STAT2: variants seen among roughly 807,000 people sequenced by gnomAD.
STAT2 encodes interferon alpha induced transcriptional activator.
In STAT2, 51 loss-of-function variants were observed where a neutral mutation model predicts 122.3. The observed-to-expected ratio is 0.42, with a 90% confidence interval of 0.33 to 0.53. The LOEUF (loss-of-function observed/expected upper bound fraction) is 0.53, where lower values mean the gene tolerates loss of function less well. Ranked by LOEUF, STAT2 falls within the 20% of genes least tolerant of loss-of-function variation. The pLI, the probability that STAT2 is intolerant of heterozygous loss-of-function variation, is 0.10. For missense variants in STAT2, 736 were observed against 1,010.3 expected, an observed-to-expected ratio of 0.73 and a Z score of 3.68; for synonymous variants, 351 against 394.9, an observed-to-expected ratio of 0.89 and a Z score of 1.32.
chr12:56,357,026 A>AT (rs34402362), intron 1 of STAT2, among the ~76,000 whole-genome samples: 1,528 of 66,378 alleles, frequency 0.023, 75 homozygotes, highest in Non-Finnish European at 0.035. Flanking sequence ...CCTAATCTGT[A>AT]TTTTTTTTTT....
intron 11 of STAT2, 140 bp from the exon 12 acceptor site, chr12:56,350,572 G>A (rs1878309052): frequency 1.2e-6 from 1 of 805,758 alleles, no homozygotes; most frequent in Non-Finnish European, 1.9e-6. Flanking sequence ...GATGTAATCA[G>A]TCTCTCTAAG....
chr12:56,350,303 C>G, intron 12 of STAT2, 109 bp downstream of exon 12: 2 of 1,447,172 alleles, frequency 1.4e-6, no homozygotes, highest in Non-Finnish European at 1.9e-6. Flanking sequence ...CTCCCTTTGT[C>G]CATATCCCAA....
In STAT2 at chr12:56,356,297, G is replaced by C. The variant is rs1879499775; in HGVS notation, c.132-12C>G. The C allele has an allele frequency of 6.2e-7, 1 of 1,610,214 alleles. No homozygotes were observed. Among genetic ancestry groups the C allele is most frequent in the Non-Finnish European group, 8.5e-7 (1 of 1,179,772 alleles). Reference sequence around the variant, plus strand: ...GTGCAGCTTCCTGCCTGGGCACCAGGAATAAGAAGTATTAGTGTCTCTGCA... The same window carrying C: ...GTGCAGCTTCCTGCCTGGGCACCAGCAATAAGAAGTATTAGTGTCTCTGCA... On this transcript the variant is annotated splice_polypyrimidine_tract_variant and intron_variant, in intron 2 of 23. Transcript: ENST00000314128.
intron 1 of STAT2, 113 bp downstream of exon 1, chr12:56,359,945 G>C: frequency 1.5e-6 from 1 of 649,796 alleles, no homozygotes; most frequent in Non-Finnish European, 1.9e-6. Context: ...TCAATCTGGG[G>C]ACCGAAGCTA....
intron 22 of STAT2, among the ~76,000 whole-genome samples, chr12:56,345,524 A>AAAAAAT (rs1555169410): frequency 3.8e-5 from 1 of 26,250 alleles, no homozygotes; most frequent in African/African-American, 5.3e-4. Flanking sequence ...AAAAAAAAAA[A>AAAAAAT]ATATATATAT....
chr12:56,358,586 G>T (rs918292721), intron 1 of STAT2, among the ~76,000 whole-genome samples: 11 of 152,130 alleles, frequency 7.2e-5, no homozygotes, highest in African/African-American at 2.4e-5. Flanking sequence ...TTGGTGGTCA[G>T]GTAAGTACAC....
chr12:56,354,019 ATAT>A, intron 8 of STAT2, among the ~76,000 whole-genome samples: 1 of 54,418 alleles, frequency 1.8e-5, no homozygotes, highest in Non-Finnish European at 4.6e-5. Flanking sequence ...AAAAAAAAAT[ATAT>A]ATATATATAT....
chr12:56,351,673 AAC>A (rs1248990023), intron 8 of STAT2, among the ~76,000 whole-genome samples: 1 of 152,254 alleles, frequency 6.6e-6, no homozygotes. Flanking sequence ...GATTTAACAT[AAC>A]AGTTTTCATA....
rs750338004 is a variant in STAT2, at chr12:56,349,038, G to C, written c.1462C>G (p.Pro488Ala). Residue 488 changes from proline to alanine, a missense_variant, in exon 17 of 24, where the codon CCC becomes GCC. Physicochemically the swap from Pro to Ala is conservative, Grantham distance 27. Transcript: ENST00000314128. ...NLQNQQFFSN[P>A]PKAPWSLLGP... ...AGCAAGCTCCAGGGGGCCTTGGGGG[G>C]GTTGGAGAAGAACTGCTGGTTCTGC... 1.0e-4 allele frequency: 165 copies of C among 1,613,402 alleles called. No homozygotes were observed. The Admixed American group carries it at 2.1e-3, about 20-fold the overall frequency.
Position 56,343,155 on chromosome 12 carries a change from TC to T in STAT2, c.*233del. ...ATACCTCCCAGCACAGCAGGCAGCCTCCAGGATCCTATTTAGACCTATGGCT... is the reference window on the plus strand; with the variant it reads ...ATACCTCCCAGCACAGCAGGCAGCCTCAGGATCCTATTTAGACCTATGGCT... On this transcript the variant is annotated 3_prime_UTR_variant, in exon 24 of 24. Transcript: ENST00000314128. 2.0e-6 allele frequency: 1 copy of T among 505,282 alleles called. No homozygotes were observed. The highest frequency in any genetic ancestry group is 3.4e-5 in the East Asian group (1 of 29,698). The allele number at this position is 505,282 out of a possible 1,614,324, so 31.3% of individuals were successfully genotyped here.
At chr12:56,358,508 A>G (rs556141741) in intron 1 of STAT2, among the ~76,000 whole-genome samples, 18 of 152,282 alleles carry the variant, frequency 1.2e-4, no homozygotes, top group African/African-American at 4.1e-4. Context: ...GGCCTCCCAA[A>G]GTGCTGGGAT....
chr12:56,341,789 G>C lies in STAT2; in HGVS notation c.*1600C>G, dbSNP rs1030691273. 4 of 152,232 alleles carry C rather than the reference G, an allele frequency of 2.6e-5. No individual in the cohort carries two copies. The highest frequency in any genetic ancestry group is 2.1e-4 in the South Asian group (1 of 4,830). The allele number at this position is 152,232 out of a possible 1,614,324, so 9.4% of individuals were successfully genotyped here. The stretch of plus-strand genomic sequence containing the variant: ...CCTGGGGTTCCCTGGGAATAGCTAA[G>C]GTGTGAGATTGTCCAGAGTCCTATG... On this transcript the variant is annotated 3_prime_UTR_variant, in exon 24 of 24. Coordinates refer to ENST00000314128, the MANE Select transcript of STAT2 (RefSeq NM_005419.4).
chr12:56,348,277 C>T (rs1877849922), intron 19 of STAT2, among the ~76,000 whole-genome samples: 2 of 151,458 alleles, frequency 1.3e-5, no homozygotes, highest in South Asian at 2.1e-4. Context: ...TTAGTAGAGA[C>T]GGGGTTTCAC....
chr12:56,345,909 T>C (rs1877378188), intron 22 of STAT2, among the ~76,000 whole-genome samples: 2 of 151,148 alleles, frequency 1.3e-5, no homozygotes, highest in African/African-American at 2.4e-5. Context: ...AAATATGAGA[T>C]AGGAGAGACT....
At position 56,343,856 on chromosome 12, in the gene STAT2, A is replaced by G; in HGVS notation, c.2382T>C (p.Asp794=). 6.2e-7 allele frequency: 1 copy of G among 1,614,244 alleles called. No individual in the cohort carries two copies. The highest frequency in any genetic ancestry group is 8.5e-7 in the Non-Finnish European group (1 of 1,180,044). ...TTGGCTCAGTGTTCAAATGTCTCAG[A>G]TCACAGGGCAAATCTGGCTCTGGCA... ...QPVPEPDLPC[D]LRHLNTEPME... Residue 794 remains aspartate, a synonymous_variant, in exon 23 of 24, where the codon GAT becomes GAC. Transcript: ENST00000314128.
At chr12:56,350,730 G>A in intron 11 of STAT2, 99 bp downstream of exon 11, 1 of 1,257,244 alleles carries the variant, frequency 8.0e-7, no homozygotes, top group South Asian at 1.2e-5. Flanking sequence ...AGGATTGGAA[G>A]GAGGAAGGAG....
chr12:56,348,854 GGGATAGA>G, intron 17 of STAT2, 50 bp from the exon 18 acceptor site: 1 of 1,614,126 alleles, frequency 6.2e-7, no homozygotes. Flanking sequence ...CAGGGGTCCT[GGGATAGA>G]TAGGACAGAG....
intron 6 of STAT2, 141 bp downstream of exon 6, chr12:56,355,135 G>A (rs2136085789): frequency 9.9e-7 from 1 of 1,010,784 alleles, no homozygotes; most frequent in Non-Finnish European, 1.5e-6. Context: ...AGCACTTCCA[G>A]CTTTGCACGG....
chr12:56,353,133 G>A (rs1331061972), intron 8 of STAT2, among the ~76,000 whole-genome samples: 1 of 151,992 alleles, frequency 6.6e-6, no homozygotes, highest in Non-Finnish European at 1.5e-5. Context: ...ACAGGCATGC[G>A]CCACCACACC....
Sources: allele counts gnomAD v4.1 joint callset (sites outside exome capture counted in the v4.1 genomes callset), GRCh38; gene constraint gnomAD v4.1.1; transcripts MANE v1.5; gene names NCBI Gene and HGNC (gene_info 2026-07-23, HGNC 2026-07-21).